The following ACO2 variants were observed in gnomAD, a reference collection of about 807,000 sequenced individuals.
The protein encoded by ACO2 is aconitate hydratase, mitochondrial.
In ACO2, 31 loss-of-function variants were observed where a neutral mutation model predicts 84.5. That is an observed-to-expected ratio of 0.37 (90% CI 0.28 to 0.50). The LOEUF (loss-of-function observed/expected upper bound fraction) is 0.50, where lower values mean the gene tolerates loss of function less well. Ranked by LOEUF, ACO2 falls within the 20% of genes least tolerant of loss-of-function variation. The probability of loss-of-function intolerance (pLI) is 0.97; values close to 1 mark genes in which losing one functional copy is unlikely to be tolerated. For synonymous variants in ACO2, 414 were observed against 412.7 expected (o/e 1.00, Z -0.04); for missense variants, 685 against 1,029.3 (o/e 0.67, Z 4.58).
intron 1 of ACO2, among the ~76,000 whole-genome samples, chr22:41,491,371 AAAT>A (rs1386924960): frequency 2.0e-5 from 3 of 152,184 alleles, no homozygotes; most frequent in Non-Finnish European, 4.4e-5. Flanking sequence ...AACAAATTAC[AAAT>A]AATCTGGAGA....
intron 1 of ACO2, among the ~76,000 whole-genome samples, chr22:41,482,149 G>A (rs1184093517): frequency 1.3e-5 from 2 of 152,178 alleles, no homozygotes; most frequent in African/African-American, 4.8e-5. Flanking sequence ...TGTGTTGGTA[G>A]ATGCAGGATC....
At chr22:41,510,606 G>A (rs1216368331) in intron 3 of ACO2, among the ~76,000 whole-genome samples, 1 of 152,164 alleles carries the variant, frequency 6.6e-6, no homozygotes, top group Non-Finnish European at 1.5e-5. Context: ...GCCGGAGGCT[G>A]GCAGGTCCCA....
At chr22:41,526,182 G>T in intron 14 of ACO2, 80 bp from the exon 15 acceptor site, 1 of 1,383,894 alleles carries the variant, frequency 7.2e-7, no homozygotes, top group Non-Finnish European at 9.9e-7. Context: ...CCCGGGGCCT[G>T]CTGCCTGCCT....
At chr22:41,483,728 C>T (rs1175313006) in intron 1 of ACO2, among the ~76,000 whole-genome samples, 1 of 151,860 alleles carries the variant, frequency 6.6e-6, no homozygotes, top group African/African-American at 2.4e-5. Flanking sequence ...TAATACTGGG[C>T]TGGGCATGGT....
chr22:41,513,440 G>C (rs1347584839), intron 4 of ACO2, among the ~76,000 whole-genome samples: 1 of 152,164 alleles, frequency 6.6e-6, no homozygotes, highest in Admixed American at 6.5e-5. Context: ...AGTCCATTAG[G>C]TCCAACCCAA....
chr22:41,474,592 C>CTTTTTT (rs34289556), intron 1 of ACO2, among the ~76,000 whole-genome samples: 2 of 29,694 alleles, frequency 6.7e-5, no homozygotes, highest in Non-Finnish European at 5.7e-5. Context: ...TGCGCCTAGC[C>CTTTTTT]TTTTTTTTTT....
intron 1 of ACO2, chr22:41,469,549 C>A: frequency 8.5e-6 from 2 of 235,248 alleles, no homozygotes; most frequent in East Asian, 9.1e-5. Context: ...GTTGTTGAGT[C>A]TTCTAGGCCC....
At position 41,528,033 on chromosome 22, in the gene ACO2, C is replaced by T. The variant is rs758704771; in HGVS notation, c.2208+11C>T. The T allele has an allele frequency of 1.8e-5, 29 of 1,613,952 alleles. No individual in the cohort carries two copies. Among genetic ancestry groups the T allele is most frequent in the East Asian group, 2.2e-5 (1 of 44,888 alleles). On this transcript the variant is annotated intron_variant, in intron 17 of 17. Coordinates refer to ENST00000216254, the MANE Select transcript of ACO2 (RefSeq NM_001098.3). ...TTCACCCCTGGCAAGGTTAGGGGCC[C>T]GGGTCCCCCTGAGGTGGTGGGGTGA...
chr22:41,527,647 T>C lies in ACO2; in HGVS notation c.2086+227T>C, dbSNP rs203316. 66,551 of 796,194 alleles carry C rather than the reference T, an allele frequency of 0.084. 14,047 individuals carry two copies. Among genetic ancestry groups the C allele is most frequent in the African/African-American group, 0.58 (33,302 of 57,322 alleles). The allele number at this position is 796,194 out of a possible 1,614,324, so 49.3% of individuals were successfully genotyped here. A position where few individuals can be genotyped will look rare whatever the true frequency, so the allele number is the denominator to read the frequency against. ...GGCTTGTAGATCTGAGCCGCTGAGA[T>C]CTAGGACATGTGCCAGGGGGTTCTT... On this transcript the variant is annotated intron_variant, in intron 16 of 17. Transcript: ENST00000216254.
chr22:41,477,157 TTTA>T (rs2038026869), intron 1 of ACO2, among the ~76,000 whole-genome samples: 2 of 149,846 alleles, frequency 1.3e-5, no homozygotes, highest in African/African-American at 4.9e-5. Flanking sequence ...TATTTATTTA[TTTA>T]TTTATTTTTT....
At chr22:41,495,094 A>G (rs921578195) in intron 1 of ACO2, among the ~76,000 whole-genome samples, 6 of 151,506 alleles carry the variant, frequency 4.0e-5, no homozygotes, top group African/African-American at 1.5e-4. Flanking sequence ...TGGTGAGTTC[A>G]TAGCTCACTG....
At chr22:41,500,046 C>T (rs1286504736) in intron 2 of ACO2, among the ~76,000 whole-genome samples, 184 bp downstream of exon 2, 2 of 152,192 alleles carry the variant, frequency 1.3e-5, no homozygotes, top group African/African-American at 4.8e-5. Context: ...TCTGTCCTCT[C>T]TGCCAAGGGA....
intron 9 of ACO2, 37 bp from the exon 10 acceptor site, chr22:41,522,793 C>T: frequency 6.2e-7 from 1 of 1,610,192 alleles, no homozygotes; most frequent in Admixed American, 1.7e-5. Flanking sequence ...TCACTGTCTC[C>T]TCCTGACCCT....
intron 1 of ACO2, among the ~76,000 whole-genome samples, chr22:41,483,902 T>C (rs1319939539): frequency 6.6e-6 from 1 of 152,164 alleles, no homozygotes; most frequent in African/African-American, 2.4e-5. Context: ...AGGATACTAA[T>C]GGATGTGAGT....
intron 8 of ACO2, among the ~76,000 whole-genome samples, chr22:41,519,045 G>C (rs1160903489): frequency 2.0e-5 from 3 of 152,166 alleles, no homozygotes; most frequent in South Asian, 2.1e-4. Context: ...TGGGTGGGGA[G>C]GGGGGAGACA....
In ACO2 at chr22:41,528,696, C is replaced by T. The variant is rs2066658243; in HGVS notation, c.*83C>T. 2 of 1,532,882 alleles carry T rather than the reference C, an allele frequency of 1.3e-6. No homozygotes were observed. Among genetic ancestry groups the T allele is most frequent in the Admixed American group, 1.9e-5 (1 of 53,282 alleles). 95.0% of individuals were successfully genotyped at this position (1,532,882 alleles called of 1,614,324 possible). A position where few individuals can be genotyped will look rare whatever the true frequency, so the allele number is the denominator to read the frequency against. On this transcript the variant is annotated 3_prime_UTR_variant, in exon 18 of 18. Coordinates refer to ENST00000216254, the MANE Select transcript of ACO2 (RefSeq NM_001098.3). ...GTGGATCCGATCCGTCCAGCCATGG[C>T]TTCCTATTCCAAGATGGTGTGACCA...
chr22:41,497,619 A>G (rs1360930972), intron 1 of ACO2, among the ~76,000 whole-genome samples: 1 of 151,584 alleles, frequency 6.6e-6, no homozygotes, highest in African/African-American at 2.4e-5. Context: ...GCAGTGGCTC[A>G]CGCCTGTAAT....
At chr22:41,526,941 G>A (rs1036608115) in intron 15 of ACO2, 9 of 390,172 alleles carry the variant, frequency 2.3e-5, no homozygotes, top group South Asian at 6.4e-5. Context: ...GGAAGGGGGC[G>A]CCTTGAGCTT....
intron 1 of ACO2, among the ~76,000 whole-genome samples, chr22:41,495,598 A>G (rs993688150): frequency 2.6e-5 from 4 of 151,068 alleles, no homozygotes; most frequent in African/African-American, 7.3e-5. Context: ...TGACCAGGCA[A>G]TAGGTATTGT....
Sources: gnomAD v4.1 joint callset for allele counts (sites outside exome capture counted in the v4.1 genomes callset) on GRCh38, gnomAD v4.1.1 for gene constraint, MANE v1.5 for transcripts, NCBI Gene and HGNC (gene_info 2026-07-23, HGNC 2026-07-21) for gene names.